FLNC: variants seen among roughly 807,000 people sequenced by gnomAD.
FLNC encodes the protein filamin-C.
FLNC carries 91 observed loss-of-function variants against 254.3 expected under a neutral mutation model. The observed-to-expected ratio is 0.36, with a 90% CI of 0.30 to 0.43. The LOEUF (loss-of-function observed/expected upper bound fraction) is 0.43, where lower values mean the gene tolerates loss of function less well. Among genes scored for constraint, FLNC ranks in the 20% least tolerant of loss-of-function variants. The pLI is 1.00. For synonymous variants in FLNC, 1,430 were observed against 1,577.2 expected (o/e 0.91, Z 2.21); for missense variants, 2,853 against 3,802.6 (o/e 0.75, Z 6.57).
At position 128,852,749 on chromosome 7, in the gene FLNC, AT is replaced by A; in HGVS notation, c.6003del (p.Ile2001MetfsTer15). The A allele has an allele frequency of 6.2e-7, 1 of 1,613,194 alleles. No homozygotes were observed. The highest frequency in any genetic ancestry group is 8.5e-7 in the Non-Finnish European group (1 of 1,179,758). On this transcript the variant is annotated frameshift_variant and splice_region_variant, in exon 36 of 48. Transcript: ENST00000325888. LOFTEE classifies it high-confidence loss of function. ...CLLKRLPNRH[I>X]GISFTPKEVG... ...GCTGAAGCGCCTGCCCAACCGGCACATTGGTGAGCGTGGGGCCTCACGGGGA... is the reference window on the plus strand; with the variant it reads ...GCTGAAGCGCCTGCCCAACCGGCACATGGTGAGCGTGGGGCCTCACGGGGA...
Position 128,842,714 on chromosome 7 carries a change from AG to A in FLNC, c.2389+20del, listed in dbSNP as rs1383544141. The A allele has an allele frequency of 5.3e-6, 5 of 935,200 alleles. No individual in the cohort carries two copies. In the East Asian group the frequency reaches 2.5e-4, roughly 47 times the overall value. The allele number at this position is 935,200 out of a possible 1,614,324, so 57.9% of individuals were successfully genotyped here. On this transcript the variant is annotated intron_variant, in intron 15 of 47. Transcript: ENST00000325888. The surrounding 1 kb of genome is among the most constrained non-coding windows in gnomAD (Gnocchi z 5.4). Reference sequence around the variant, plus strand: ...GCGGGGCAAGGTGCGCCCAGCCGGAAGGGGTGGGTCTGGGAGGGGGCGGGGG... The same window carrying A: ...GCGGGGCAAGGTGCGCCCAGCCGGAAGGGTGGGTCTGGGAGGGGGCGGGGG...
At position 128,845,243 on chromosome 7, in the gene FLNC, G is replaced by A. The variant is rs777550457; in HGVS notation, c.3778G>A (p.Val1260Ile). 3 of 1,613,420 alleles carry A rather than the reference G, an allele frequency of 1.9e-6. No homozygotes were observed. The South Asian group carries it at 3.3e-5, about 18-fold the overall frequency. Reference protein sequence around the residue: ...TSGVKVSGPGVEPHGVLREVT... With the variant: ...TSGVKVSGPGIEPHGVLREVT... ...TGGCGTCAAGGTCTCAGGGCCTGGTGTTGAGCCACACGGTGAGTGGACAGG... is the reference window on the plus strand; with the variant it reads ...TGGCGTCAAGGTCTCAGGGCCTGGTATTGAGCCACACGGTGAGTGGACAGG... The change falls in exon 21 of 48, where the codon GTT (valine) becomes ATT (isoleucine). Residue 1260 changes from valine (V) to isoleucine (I), a missense_variant. Val to Ile is a conservative substitution (Grantham distance 29). Around this residue, in one of 10 missense-constraint regions of FLNC, gnomAD observed 1,573 missense variants for 1,883.5 expected, o/e 0.84. Transcript: ENST00000325888.
chr7:128,843,452 G>A lies in FLNC; in HGVS notation c.2686G>A (p.Gly896Arg), dbSNP rs200215903. The A allele has an allele frequency of 1.0e-4, 169 of 1,614,144 alleles. No individual in the cohort carries two copies. In the East Asian group the frequency reaches 3.6e-3, roughly 34 times the overall value. The change falls in exon 18 of 48, where the codon GGA (glycine) becomes AGA (arginine). Residue 896 changes from glycine to arginine, a missense_variant. Around this residue, in one of 10 missense-constraint regions of FLNC, gnomAD observed 1,573 missense variants for 1,883.5 expected, o/e 0.84. Coordinates refer to ENST00000325888, the MANE Select transcript of FLNC (RefSeq NM_001458.5). ...KPTHFTVLTK[G>R]AGKAKLDVQF... ...CACCCACTTCACGGTGCTGACCAAG[G>A]GAGCCGGCAAGGCCAAGCTGGATGT... is the stretch of plus-strand genomic sequence containing the variant.
Position 128,841,390 on chromosome 7 carries a change from C to T in FLNC, c.2007+27C>T, listed in dbSNP as rs749608181. On this transcript the variant is annotated intron_variant, in intron 12 of 47. Coordinates refer to ENST00000325888, the MANE Select transcript of FLNC (RefSeq NM_001458.5). The surrounding 1 kb of genome is among the most constrained non-coding windows in gnomAD (Gnocchi z 4.3). ...TGTGGTCCCAGCTCACACACACCTG[C>T]CCCGGGGGTGGGGCAAGCTGGTTCT... The T allele has an allele frequency of 6.2e-7, 1 of 1,613,594 alleles. No individual in the cohort carries two copies. The highest frequency in any genetic ancestry group is 8.5e-7 in the Non-Finnish European group (1 of 1,179,572).
At position 128,853,482 on chromosome 7, in the gene FLNC, G is replaced by A. The variant is rs1808911842; in HGVS notation, c.6222G>A (p.Leu2074=). The A allele has an allele frequency of 2.5e-6, 4 of 1,613,912 alleles. No individual in the cohort carries two copies. Among genetic ancestry groups the A allele is most frequent in the Admixed American group, 1.7e-5 (1 of 60,000 alleles). ...GCTTTCCCCCAGGTTATGGGGGCTT[G>A]GGGCTGAGTATTGAAGGCCCAAGCA... The part of the protein sequence containing the change: ...VDTRNAGYGG[L]GLSIEGPSKV... Residue 2074 remains leucine, a synonymous_variant, in exon 38 of 48, where the codon TTG becomes TTA. Coordinates refer to ENST00000325888, the MANE Select transcript of FLNC (RefSeq NM_001458.5).
rs546274814 is a variant in FLNC, at chr7:128,855,027, C to G, written c.7135+115C>G. The G allele has an allele frequency of 1.2e-4, 141 of 1,211,118 alleles. No individual in the cohort carries two copies. The African/African-American group carries it at 1.8e-3, about 16-fold the overall frequency. The allele number at this position is 1,211,118 out of a possible 1,614,324, so 75.0% of individuals were successfully genotyped here. A position where few individuals can be genotyped will look rare whatever the true frequency, so the allele number is the denominator to read the frequency against. ...CACAGAACTCCCCTCCCCGGAGCCCCCTGCTCTTCCTCTGCCCCGTCTCCC... is the reference window on the plus strand; with the variant it reads ...CACAGAACTCCCCTCCCCGGAGCCCGCTGCTCTTCCTCTGCCCCGTCTCCC... On this transcript the variant is annotated intron_variant, in intron 42 of 47. Coordinates refer to ENST00000325888, the MANE Select transcript of FLNC (RefSeq NM_001458.5).
At chr7:128,848,116 C>T (rs1184217492) in intron 26 of FLNC, 48 bp downstream of exon 26, 2 of 1,563,282 alleles carry the variant, frequency 1.3e-6, no homozygotes, top group Non-Finnish European at 1.7e-6. Flanking sequence ...CTCTGGGGTG[C>T]TCCTGCTGGG....
Position 128,838,037 on chromosome 7 carries a change from T to C in FLNC, c.1020T>C (p.Tyr340=), listed in dbSNP as rs376514318. The C allele has an allele frequency of 2.5e-6, 4 of 1,613,898 alleles. No individual in the cohort carries two copies. In the African/African-American group the frequency reaches 4.0e-5, roughly 16 times the overall value. ...AGGATCGCACCTATGCTGTCTCCTA[T>C]GTGCCCAAGGTCGCTGGGTTACACA... The part of the protein sequence containing the change: ...NDKDRTYAVS[Y]VPKVAGLHKV... Residue 340 remains tyrosine, a synonymous_variant, in exon 6 of 48, where the codon TAT becomes TAC. Coordinates refer to ENST00000325888, the MANE Select transcript of FLNC (RefSeq NM_001458.5).
chr7:128,839,956 A>G, intron 8 of FLNC, 67 bp from the exon 9 acceptor site: 2 of 1,589,862 alleles, frequency 1.3e-6, no homozygotes, highest in Non-Finnish European at 1.7e-6. Context: ...GACTGTGCAC[A>G]GGGAGGTGGG....
rs1287650688 is a variant in FLNC at position 128,841,471 on chromosome 7, T to C, written c.2025T>C (p.Pro675=). 2 of 1,614,150 alleles carry C rather than the reference T, an allele frequency of 1.2e-6. No individual in the cohort carries two copies. The highest frequency in any genetic ancestry group is 1.1e-5 in the South Asian group (1 of 91,090). Reference sequence around the variant, plus strand: ...CCGCACAGGTGAAGGCCTTTGGGCCTGGCCTGGAGCCTACCGGCTGCATCG... The same window carrying C: ...CCGCACAGGTGAAGGCCTTTGGGCCCGGCCTGGAGCCTACCGGCTGCATCG... ...CFPDKVKAFG[P]GLEPTGCIVD... The change falls in exon 13 of 48, where the codon CCT becomes CCC. Residue 675 remains proline (P), a synonymous_variant. Transcript: ENST00000325888. This position sits in a 1 kb window ranked among gnomAD's most constrained non-coding sequence, Gnocchi z 4.3.
rs769388242 is a variant in FLNC at position 128,842,412 on chromosome 7, G to A, written c.2265+38G>A. On this transcript the variant is annotated intron_variant, in intron 14 of 47. Transcript: ENST00000325888. This position sits in a 1 kb window ranked among gnomAD's most constrained non-coding sequence, Gnocchi z 5.4. The stretch of plus-strand genomic sequence containing the variant: ...GGCCTGCCCCGTGCCCACCACCAGG[G>A]GTCCCTGAGGGAGGGCGGAACCCTC... 3.1e-6 allele frequency: 5 copies of A among 1,612,844 alleles called. No homozygotes were observed. The highest frequency in any genetic ancestry group is 4.2e-6 in the Non-Finnish European group (5 of 1,179,832).
rs1808369718 is a variant in FLNC, at chr7:128,842,357, C to G, written c.2248C>G (p.Pro750Ala). The part of the protein sequence containing the change: ...IIISWGGVNV[P>A]KSPFRVNVGE... Reference sequence around the variant, plus strand: ...CATCTCCTGGGGAGGCGTAAACGTGCCCAAGAGCCCCTTCCGGGTGCGTCC... The same window carrying G: ...CATCTCCTGGGGAGGCGTAAACGTGGCCAAGAGCCCCTTCCGGGTGCGTCC... The change falls in exon 14 of 48, where the codon CCC becomes GCC. Residue 750 changes from proline (P) to alanine (A), a missense_variant. Physicochemically the swap from Pro to Ala is conservative, Grantham distance 27. Coordinates refer to ENST00000325888, the MANE Select transcript of FLNC (RefSeq NM_001458.5). This position sits in a 1 kb window ranked among gnomAD's most constrained non-coding sequence, Gnocchi z 5.4. 6.2e-7 allele frequency: 1 copy of G among 1,613,524 alleles called. No homozygotes were observed. The highest frequency in any genetic ancestry group is 8.5e-7 in the Non-Finnish European group (1 of 1,179,964).
Position 128,841,053 on chromosome 7 carries a change from G to T in FLNC, c.1813+83G>T, listed in dbSNP as rs995434411. On this transcript the variant is annotated intron_variant, in intron 11 of 47. Transcript: ENST00000325888. This position sits in a 1 kb window ranked among gnomAD's most constrained non-coding sequence, Gnocchi z 4.3. Reference sequence around the variant, plus strand: ...TGTGGGTAATGGGTGCAGTGCGCATGCTGGGGAGCGCTGGGGTGAGCAGGG... The same window carrying T: ...TGTGGGTAATGGGTGCAGTGCGCATTCTGGGGAGCGCTGGGGTGAGCAGGG... 7.7e-6 allele frequency: 12 copies of T among 1,555,526 alleles called. No homozygotes were observed. Among genetic ancestry groups the T allele is most frequent in the Non-Finnish European group, 1.1e-5 (12 of 1,138,130 alleles).
At chr7:128,846,698 C>T (rs1484161767) in intron 23 of FLNC, 47 bp from the exon 24 acceptor site, 13 of 1,591,308 alleles carry the variant, frequency 8.2e-6, no homozygotes, top group Admixed American at 1.7e-5. Flanking sequence ...CTCCCTCATC[C>T]TCACTCACTG....
At chr7:128,848,455 C>T in intron 26 of FLNC, 106 bp from the exon 27 acceptor site, 1 of 1,219,164 alleles carries the variant, frequency 8.2e-7, no homozygotes, top group Admixed American at 1.7e-5. Flanking sequence ...CCACAGTCCT[C>T]CCTCCTGCCC....
chr7:128,853,476 G>T lies in FLNC; in HGVS notation c.6216G>T (p.Gly2072=). 6.2e-7 allele frequency: 1 copy of T among 1,614,000 alleles called. No homozygotes were observed. The highest frequency in any genetic ancestry group is 8.5e-7 in the Non-Finnish European group (1 of 1,180,024). Residue 2072 remains glycine (G), a synonymous_variant, in exon 38 of 48, where the codon GGG becomes GGT. Transcript: ENST00000325888. ...TTCCTTGCTTTCCCCCAGGTTATGG[G>T]GGCTTGGGGCTGAGTATTGAAGGCC... ...FIVDTRNAGY[G]GLGLSIEGPS...
At position 128,856,474 on chromosome 7, in the gene FLNC, C is replaced by G. The variant is rs374649387; in HGVS notation, c.7252-44C>G. 2.5e-6 allele frequency: 4 copies of G among 1,605,322 alleles called. No homozygotes were observed. Among genetic ancestry groups the G allele is most frequent in the Admixed American group, 1.7e-5 (1 of 60,004 alleles). ...GGGGCTTCAGAGAAGACTGCTCCAG[C>G]CCCGGCCTCCCAGGAGTCTGAGCAT... On this transcript the variant is annotated intron_variant, in intron 43 of 47. Transcript: ENST00000325888. The surrounding 1 kb of genome is among the most constrained non-coding windows in gnomAD (Gnocchi z 5.9).
chr7:128,848,508 C>A (rs903724388), intron 26 of FLNC, 53 bp from the exon 27 acceptor site: 7 of 1,594,796 alleles, frequency 4.4e-6, no homozygotes, highest in Non-Finnish European at 6.0e-6. Flanking sequence ...GATCACCCCC[C>A]ACCGCCCCGT....
Position 128,858,630 on chromosome 7 carries a change from A to C in FLNC, c.*107A>C, listed in dbSNP as rs1041084259. ...GCCACACCCAGACACGCACAGAATC[A>C]GACACTACAAACACCTGCCTTGGGG... On this transcript the variant is annotated 3_prime_UTR_variant, in exon 48 of 48. Transcript: ENST00000325888. This position sits in a 1 kb window ranked among gnomAD's most constrained non-coding sequence, Gnocchi z 6.7. 4.6e-6 allele frequency: 4 copies of C among 877,338 alleles called. No homozygotes were observed. Among genetic ancestry groups the C allele is most frequent in the Non-Finnish European group, 7.4e-6 (4 of 541,714 alleles). The allele number at this position is 877,338 out of a possible 1,614,324, so 54.3% of individuals were successfully genotyped here.
Sources: gnomAD v4.1 joint callset for allele counts on GRCh38, gnomAD v4.1.1 for gene constraint, gnomAD v4.1.1 regional missense constraint, Gnocchi (gnomAD v3.1) non-coding constraint, MANE v1.5 for transcripts, NCBI Gene and HGNC (gene_info 2026-07-23, HGNC 2026-07-21) for gene names.